The following NKAIN2 variants were observed in gnomAD, a reference collection of about 807,000 sequenced individuals.
The protein encoded by NKAIN2 is sodium/potassium transporting ATPase interacting 2, also known as sodium/potassium-transporting ATPase subunit beta-1-interacting protein 2.
In NKAIN2, 14 loss-of-function variants were observed where a neutral mutation model predicts 32.6. The ratio of observed to expected loss-of-function variants is 0.43; its 90% CI spans 0.28 to 0.67. NKAIN2 has a LOEUF of 0.67. Among genes scored for constraint, NKAIN2 ranks in the 30% least tolerant of loss-of-function variants. The pLI is 0.17. For synonymous variants in NKAIN2, 80 were observed against 87.2 expected (o/e 0.92, Z 0.46); for missense variants, 198 against 258.3 (o/e 0.77, Z 1.60).
At chr6:124,402,622 A>G (rs982169204) in intron 3 of NKAIN2, among the ~76,000 whole-genome samples, 1 of 152,240 alleles carries the variant, frequency 6.6e-6, no homozygotes, top group African/African-American at 2.4e-5. Context: ...CCACACACAC[A>G]CAAAACAAAC....
intron 3 of NKAIN2, among the ~76,000 whole-genome samples, chr6:124,581,283 CA>C: frequency 6.6e-6 from 1 of 151,378 alleles, no homozygotes; most frequent in South Asian, 2.1e-4. Context: ...ACTAAAAATA[CA>C]AAAAATTAGC....
chr6:123,845,877 G>A (rs998539635), intron 1 of NKAIN2, among the ~76,000 whole-genome samples: 3 of 152,116 alleles, frequency 2.0e-5, no homozygotes, highest in African/African-American at 7.2e-5. Context: ...TAGGAAATTT[G>A]AGTTTCTATT....
intron 1 of NKAIN2, among the ~76,000 whole-genome samples, chr6:123,839,246 G>T (rs1024373982): frequency 2.6e-5 from 4 of 151,018 alleles, no homozygotes; most frequent in Admixed American, 6.6e-5. Context: ...AAAAAAAATT[G>T]GAGTCAATTT....
intron 4 of NKAIN2, among the ~76,000 whole-genome samples, chr6:124,731,868 A>G (rs1018848964): frequency 6.6e-6 from 1 of 152,140 alleles, no homozygotes; most frequent in Admixed American, 6.6e-5. Flanking sequence ...GGCAGTGTCT[A>G]TAAACTATTA....
At chr6:124,771,563 T>C (rs945592198) in intron 4 of NKAIN2, among the ~76,000 whole-genome samples, 3 of 152,194 alleles carry the variant, frequency 2.0e-5, no homozygotes, top group Admixed American at 6.5e-5. Context: ...CAACAGTAGA[T>C]TTAAGCAGCA....
chr6:124,524,729 A>G (rs1779248524), intron 3 of NKAIN2, among the ~76,000 whole-genome samples: 1 of 152,190 alleles, frequency 6.6e-6, no homozygotes, highest in Admixed American at 6.5e-5. Context: ...TTGAATTTGC[A>G]TGTGCTTGTC....
In NKAIN2 at chr6:124,123,454, T is replaced by C. The variant is rs532154344; in HGVS notation, c.55-159551T>C. 3.9e-5 allele frequency among the ~76,000 whole-genome samples: 6 copies of C among 152,280 alleles called. No homozygotes were observed. The South Asian group carries it at 1.2e-3, about 32-fold the overall frequency. ...TTTTCCCAGAGACAGTATTCTTTTT[T>C]CATACTATTTTTTGGTGATTTTCCT... On this transcript the variant is annotated intron_variant, in intron 1 of 6. Coordinates refer to ENST00000368417, the MANE Select transcript of NKAIN2 (RefSeq NM_001040214.3).
At chr6:124,817,520 A>G (rs1453914980) in intron 5 of NKAIN2, among the ~76,000 whole-genome samples, 4 of 152,058 alleles carry the variant, frequency 2.6e-5, no homozygotes, top group Admixed American at 6.6e-5. Context: ...TCCAAGAGAG[A>G]ACATCCCAAA....
intron 1 of NKAIN2, among the ~76,000 whole-genome samples, chr6:124,058,555 G>T (rs1268224210): frequency 6.6e-6 from 1 of 151,948 alleles, no homozygotes; most frequent in Non-Finnish European, 1.5e-5. Context: ...TTGTTGTAAG[G>T]ATTTCTGGGC....
intron 3 of NKAIN2, among the ~76,000 whole-genome samples, chr6:124,619,885 G>C (rs1328282652): frequency 6.6e-6 from 1 of 152,068 alleles, no homozygotes; most frequent in African/African-American, 2.4e-5. Flanking sequence ...TTAAATTTTA[G>C]CTCTGCCGCT....
At chr6:123,993,908 C>T (rs1307116125) in intron 1 of NKAIN2, among the ~76,000 whole-genome samples, 1 of 152,050 alleles carries the variant, frequency 6.6e-6, no homozygotes, top group Non-Finnish European at 1.5e-5. Flanking sequence ...CATGGCTGTG[C>T]TGTAAGCTAA....
At chr6:123,962,820 C>T (rs535523459) in intron 1 of NKAIN2, among the ~76,000 whole-genome samples, 23 of 152,276 alleles carry the variant, frequency 1.5e-4, no homozygotes, top group Non-Finnish European at 2.6e-4. Flanking sequence ...ACCCTGCTAA[C>T]GCTGTACGTA....
At chr6:124,427,838 A>G (rs1775047737) in intron 3 of NKAIN2, among the ~76,000 whole-genome samples, 1 of 152,174 alleles carries the variant, frequency 6.6e-6, no homozygotes, top group South Asian at 2.1e-4. Flanking sequence ...AACCACGGAA[A>G]TAGGTCGTTC....
intron 1 of NKAIN2, among the ~76,000 whole-genome samples, chr6:123,918,778 G>A (rs557095121): frequency 6.6e-6 from 1 of 152,166 alleles, no homozygotes; most frequent in Admixed American, 6.5e-5. Context: ...TTTTGAATAA[G>A]TGTAATTCAC....
intron 1 of NKAIN2, among the ~76,000 whole-genome samples, chr6:124,169,684 G>A (rs376648558): frequency 1.3e-5 from 2 of 152,046 alleles, no homozygotes; most frequent in East Asian, 1.9e-4. Context: ...TTCTTAGTGC[G>A]TATGTTTTTT....
rs77602008 is a variant in NKAIN2 at position 124,672,168 on chromosome 6, A to G, written c.474+13782A>G. 3.2e-3 allele frequency among the ~76,000 whole-genome samples: 493 copies of G among 152,190 alleles called. 8 individuals carry two copies. The highest frequency in any genetic ancestry group is 3.1e-3 in the Non-Finnish European group (214 of 67,958). On this transcript the variant is annotated intron_variant, in intron 4 of 6. Coordinates refer to ENST00000368417, the MANE Select transcript of NKAIN2 (RefSeq NM_001040214.3). ...TTGCTCTAGGACTCAGAGAAGTGAG[A>G]TGAAAGAATTATAAGTCTGCAATGA... is the stretch of plus-strand genomic sequence containing the variant.
chr6:124,495,355 G>A (rs1289983787), intron 3 of NKAIN2, among the ~76,000 whole-genome samples: 1 of 152,044 alleles, frequency 6.6e-6, no homozygotes, highest in Non-Finnish European at 1.5e-5. Flanking sequence ...ATCACAGTGA[G>A]GTGTGAAAGG....
intron 3 of NKAIN2, among the ~76,000 whole-genome samples, chr6:124,576,597 G>A (rs1781344027): frequency 6.6e-6 from 1 of 152,084 alleles, no homozygotes; most frequent in South Asian, 2.1e-4. Flanking sequence ...ACAGCTCAGT[G>A]AACCAATATT....
At chr6:124,099,500 A>T (rs540294152) in intron 1 of NKAIN2, among the ~76,000 whole-genome samples, 63 of 152,324 alleles carry the variant, frequency 4.1e-4, no homozygotes, top group African/African-American at 1.5e-3. Flanking sequence ...ATATATACCA[A>T]TGTAAAGACA....
Sources: allele counts gnomAD v4.1 joint callset (sites outside exome capture counted in the v4.1 genomes callset), GRCh38; gene constraint gnomAD v4.1.1; transcripts MANE v1.5; gene names NCBI Gene and HGNC (gene_info 2026-07-23, HGNC 2026-07-21).